OSBPL8: variants seen among roughly 807,000 people sequenced by gnomAD.
The protein encoded by OSBPL8 is oxysterol-binding protein-related protein 8.
OSBPL8 carries 59 observed loss-of-function variants against 125.5 expected under a neutral mutation model. That is an observed-to-expected ratio of 0.47 (90% CI 0.38 to 0.58). OSBPL8 has a LOEUF of 0.58. Ranked by LOEUF, OSBPL8 falls within the 20% of genes least tolerant of loss-of-function variation. The pLI is 0.00. For missense variants in OSBPL8, 758 were observed against 1,047.8 expected (o/e 0.72, Z 3.82); for synonymous variants, 330 against 338.9 (o/e 0.97, Z 0.29).
At chr12:76,398,835 T>C (rs187659579) in intron 7 of OSBPL8, among the ~76,000 whole-genome samples, 2 of 152,210 alleles carry the variant, frequency 1.3e-5, no homozygotes, top group Admixed American at 6.6e-5. Context: ...TACATGTATA[T>C]GTAAAAGAAT....
At position 76,390,035 on chromosome 12, in the gene OSBPL8, T is replaced by C. The variant is rs576436046; in HGVS notation, c.1168-206A>G. On this transcript the variant is annotated intron_variant, in intron 11 of 23. Transcript: ENST00000261183. Reference sequence around the variant, plus strand: ...GAAAAAGACATCAAAGTGAACAATATATACAAGAGATCCACTACAAAAATA... The same window carrying C: ...GAAAAAGACATCAAAGTGAACAATACATACAAGAGATCCACTACAAAAATA... The C allele has an allele frequency of 2.1e-5, 9 of 422,440 alleles. No individual in the cohort carries two copies. In the South Asian group the frequency reaches 6.5e-4, roughly 31 times the overall value. The allele number at this position is 422,440 out of a possible 1,614,324, so 26.2% of individuals were successfully genotyped here.
intron 4 of OSBPL8, among the ~76,000 whole-genome samples, chr12:76,436,785 C>T (rs1449365353): frequency 2.0e-5 from 3 of 152,082 alleles, no homozygotes; most frequent in Non-Finnish European, 4.4e-5. Context: ...ATGATATACA[C>T]AAGTTTATAT....
At position 76,440,304 on chromosome 12, in the gene OSBPL8, A is replaced by AT. The variant is rs913575034; in HGVS notation, c.217+10546dup. On this transcript the variant is annotated intron_variant, in intron 4 of 23. Transcript: ENST00000261183. ...TGGTTCGTTATCCCACGTATTGATG[A>AT]TTTTTTTTTCACATCCCCGCCAGCA... Among the ~76,000 whole-genome samples, 15 of 150,990 alleles carry AT rather than the reference A, an allele frequency of 9.9e-5. No homozygotes were observed. In the East Asian group the frequency reaches 1.6e-3, roughly 16 times the overall value.
intron 4 of OSBPL8, chr12:76,422,641 C>T (rs561639873): frequency 3.3e-5 from 15 of 456,476 alleles, no homozygotes; most frequent in South Asian, 2.3e-4. Flanking sequence ...GTTGTGAGCT[C>T]TCTTCTTTCA....
intron 11 of OSBPL8, 162 bp from the exon 12 acceptor site, chr12:76,389,991 T>C: frequency 5.7e-6 from 3 of 524,100 alleles, no homozygotes; most frequent in Non-Finnish European, 6.0e-6. Context: ...CTATAAAACT[T>C]AGGTAAAAAA....
At chr12:76,464,284 C>A (rs1176161369) in intron 2 of OSBPL8, among the ~76,000 whole-genome samples, 1 of 152,182 alleles carries the variant, frequency 6.6e-6, no homozygotes, top group Non-Finnish European at 1.5e-5. Flanking sequence ...GAGACCCTGT[C>A]TCTAAAAAGC....
intron 1 of OSBPL8, among the ~76,000 whole-genome samples, chr12:76,542,210 G>T (rs1457032091): frequency 6.6e-6 from 1 of 152,048 alleles, no homozygotes; most frequent in Non-Finnish European, 1.5e-5. Flanking sequence ...AAAGCATAAT[G>T]CTTACTTCAC....
At chr12:76,507,258 C>T (rs1349261668) in intron 1 of OSBPL8, among the ~76,000 whole-genome samples, 1 of 151,632 alleles carries the variant, frequency 6.6e-6, no homozygotes, top group East Asian at 1.9e-4. Flanking sequence ...AACTTATTCT[C>T]TATTTGGGAT....
intron 1 of OSBPL8, among the ~76,000 whole-genome samples, chr12:76,504,444 T>A (rs1880217428): frequency 6.6e-6 from 1 of 152,332 alleles, no homozygotes; most frequent in East Asian, 1.9e-4. Context: ...ATTATAGATG[T>A]GACTTACATT....
chr12:76,521,593 C>A (rs908352011), intron 1 of OSBPL8, among the ~76,000 whole-genome samples: 1 of 150,680 alleles, frequency 6.6e-6, no homozygotes, highest in Non-Finnish European at 1.5e-5. Flanking sequence ...TATATACATA[C>A]AATGGAATAT....
chr12:76,554,359 C>T (rs933925713), intron 1 of OSBPL8, among the ~76,000 whole-genome samples: 21 of 152,220 alleles, frequency 1.4e-4, no homozygotes, highest in Admixed American at 7.2e-4. Context: ...AGAGGAGCAA[C>T]TGCAAATAAA....
Position 76,377,787 on chromosome 12 carries a change from T to G in OSBPL8, c.1729+665A>C, listed in dbSNP as rs116854401. ...CAGAGGTAAACCACCTGGGTTCAGATCCTGACTTGCCACATTTTAGCTGTA... is the reference window on the plus strand; with the variant it reads ...CAGAGGTAAACCACCTGGGTTCAGAGCCTGACTTGCCACATTTTAGCTGTA... On this transcript the variant is annotated intron_variant, in intron 16 of 23. Coordinates refer to ENST00000261183, the MANE Select transcript of OSBPL8 (RefSeq NM_020841.5). 1.0e-3 allele frequency among the ~76,000 whole-genome samples: 154 copies of G among 152,278 alleles called. 1 individual carries two copies. The highest frequency in any genetic ancestry group is 1.8e-3 in the Admixed American group (28 of 15,280).
At position 76,546,531 on chromosome 12, in the gene OSBPL8, A is replaced by C. The variant is rs574249480; in HGVS notation, c.-68+12866T>G. On this transcript the variant is annotated intron_variant, in intron 1 of 23. Transcript: ENST00000261183. ...GCAGCATTATTAAGGTATTGCTGAC[A>C]TATAAAAAAATTGTACATATTTAAG... 1.8e-4 allele frequency among the ~76,000 whole-genome samples: 27 copies of C among 152,268 alleles called. 1 individual carries two copies. The highest frequency in any genetic ancestry group is 6.0e-4 in the African/African-American group (25 of 41,570).
chr12:76,370,753 C>T (rs1325195116), intron 19 of OSBPL8, among the ~76,000 whole-genome samples: 20 of 152,148 alleles, frequency 1.3e-4, no homozygotes. Flanking sequence ...AGGGAAGGTA[C>T]ACAGACTTGA....
chr12:76,434,741 T>C (rs1468465501), intron 4 of OSBPL8, among the ~76,000 whole-genome samples: 1 of 152,072 alleles, frequency 6.6e-6, no homozygotes, highest in African/African-American at 2.4e-5. Context: ...GATATACAAA[T>C]GGCCATCAGG....
chr12:76,464,272 G>A (rs908915768), intron 2 of OSBPL8, among the ~76,000 whole-genome samples: 1 of 152,156 alleles, frequency 6.6e-6, no homozygotes, highest in African/African-American at 2.4e-5. Flanking sequence ...GAGCAACATA[G>A]TGAGACCCTG....
chr12:76,551,077 T>C (rs1416683997), intron 1 of OSBPL8, among the ~76,000 whole-genome samples: 1 of 151,446 alleles, frequency 6.6e-6, no homozygotes, highest in Non-Finnish European at 1.5e-5. Context: ...AACATATATA[T>C]AGTATATCAA....
chr12:76,554,486 T>C (rs1951037990), intron 1 of OSBPL8, among the ~76,000 whole-genome samples: 1 of 152,248 alleles, frequency 6.6e-6, no homozygotes. Flanking sequence ...ACTTAACTTC[T>C]CTGTGCCTCA....
In OSBPL8 at chr12:76,513,910, G is replaced by A. The variant is rs568278832; in HGVS notation, c.-67-26292C>T. Among the ~76,000 whole-genome samples, 3 of 152,016 alleles carry A rather than the reference G, an allele frequency of 2.0e-5. No individual in the cohort carries two copies. In the South Asian group the frequency reaches 6.3e-4, roughly 32 times the overall value. On this transcript the variant is annotated intron_variant, in intron 1 of 23. Coordinates refer to ENST00000261183, the MANE Select transcript of OSBPL8 (RefSeq NM_020841.5). ...GTTTGTTGCTCTGTGCCTTTTAAGT[G>A]GGGCACTGAAGGTTAGTATTAATAT... is the stretch of plus-strand genomic sequence containing the variant.
Sources: allele counts gnomAD v4.1 joint callset (sites outside exome capture counted in the v4.1 genomes callset), GRCh38; gene constraint gnomAD v4.1.1; transcripts MANE v1.5; gene names NCBI Gene and HGNC (gene_info 2026-07-23, HGNC 2026-07-21).